Variants in MICAL3 observed in about 807,000 individuals in gnomAD.
MICAL3 encodes microtubule associated monooxygenase, calponin and LIM domain containing 3.
In MICAL3, 62 loss-of-function variants were observed where a neutral mutation model predicts 207.4. The ratio of observed to expected loss-of-function variants is 0.30; its 90% CI spans 0.24 to 0.37. The LOEUF (loss-of-function observed/expected upper bound fraction) is 0.37, where lower values mean the gene tolerates loss of function less well. Ranked by LOEUF, MICAL3 falls within the 10% of genes least tolerant of loss-of-function variation. MICAL3 has a pLI of 1.00. For synonymous variants in MICAL3, 1,077 were observed against 1,069.3 expected, an observed-to-expected ratio of 1.01 and a Z score of -0.14; for missense variants, 2,368 against 2,635.6, an observed-to-expected ratio of 0.90 and a Z score of 2.22.
intron 1 of MICAL3, among the ~76,000 whole-genome samples, chr22:17,974,655 C>CA (rs1249178183): frequency 2.1e-5 from 3 of 145,606 alleles, no homozygotes; most frequent in African/African-American, 7.7e-5. Flanking sequence ...ACCTGGTAGA[C>CA]AGAGGTTGTA....
rs553241464 is a variant in MICAL3, at chr22:17,798,896, A to C, written c.5651-7595T>G. Among the ~76,000 whole-genome samples the C allele has an allele frequency of 1.9e-3, 283 of 151,862 alleles. 2 individuals are homozygous for C. The highest frequency in any genetic ancestry group is 6.4e-3 in the African/African-American group (266 of 41,434). ...CACCATGTTAGCCAGGATGGTCTCG[A>C]TCTCCTGACCTTGTGATCTGCCCGC... On this transcript the variant is annotated intron_variant, in intron 29 of 31. Transcript: ENST00000441493.
chr22:17,885,120 A>G (rs2146216022), intron 16 of MICAL3, among the ~76,000 whole-genome samples: 1 of 152,270 alleles, frequency 6.6e-6, no homozygotes, highest in South Asian at 2.1e-4. Flanking sequence ...ACACGCCCTA[A>G]CCAAGACACC....
chr22:17,919,443 C>T (rs906122889), intron 1 of MICAL3, among the ~76,000 whole-genome samples: 6 of 152,192 alleles, frequency 3.9e-5, no homozygotes, highest in South Asian at 2.1e-4. Flanking sequence ...TTCACTGTTG[C>T]GTCCTTGCAC....
Position 17,841,944 on chromosome 22 carries a change from C to T in MICAL3, c.2679G>A (p.Leu893=), listed in dbSNP as rs770416083. Residue 893 remains leucine (L), a synonymous_variant, in exon 20 of 32, where the codon CTG becomes CTA. Transcript: ENST00000441493. The surrounding 1 kb of genome is among the most constrained non-coding windows in gnomAD (Gnocchi z 4.2). ...GCCTCAGGGACAGGCGGTAGTTCTC[C>T]AGCTCGATCCGCTCTGGGGTGCCCC... is the stretch of plus-strand genomic sequence containing the variant. ...RLRGTPERIE[L]ENYRLSLRQA... 2 of 1,605,278 alleles carry T rather than the reference C, an allele frequency of 1.2e-6. No homozygotes were observed. The highest frequency in any genetic ancestry group is 2.2e-5 in the East Asian group (1 of 44,724).
chr22:17,809,939 A>T (rs2062025917), intron 28 of MICAL3, among the ~76,000 whole-genome samples: 1 of 150,942 alleles, frequency 6.6e-6, no homozygotes, highest in African/African-American at 2.4e-5. Flanking sequence ...CCCAGGCTGG[A>T]GTGCAATGGT....
At chr22:17,891,869 A>AC (rs915527500) in intron 11 of MICAL3, among the ~76,000 whole-genome samples, 2 of 151,930 alleles carry the variant, frequency 1.3e-5, no homozygotes, top group Non-Finnish European at 2.9e-5. Flanking sequence ...GTCAACGTCC[A>AC]CCCCCCAGTA....
At chr22:17,894,560 C>T (rs895947746) in intron 10 of MICAL3, among the ~76,000 whole-genome samples, 2 of 151,638 alleles carry the variant, frequency 1.3e-5, no homozygotes, top group African/African-American at 4.8e-5. Flanking sequence ...CACTAGGGGC[C>T]AGGCACGGTG....
At chr22:17,856,121 C>T (rs1042587360) in intron 19 of MICAL3, among the ~76,000 whole-genome samples, 2 of 152,202 alleles carry the variant, frequency 1.3e-5, no homozygotes, top group African/African-American at 2.4e-5. Context: ...TGTTAGCGAC[C>T]GCTGCTGCCG....
At chr22:17,843,932 C>T (rs956583104) in intron 19 of MICAL3, among the ~76,000 whole-genome samples, 4 of 152,028 alleles carry the variant, frequency 2.6e-5, no homozygotes, top group Admixed American at 6.6e-5. Context: ...CTGCAACCTC[C>T]GCCTCCCAGG....
intron 1 of MICAL3, among the ~76,000 whole-genome samples, chr22:17,938,145 T>C (rs886093361): frequency 3.9e-5 from 6 of 152,312 alleles, no homozygotes; most frequent in African/African-American, 7.2e-5. Flanking sequence ...TAAGAACTCA[T>C]GATTCTCACT....
chr22:17,948,182 T>A (rs1002352639), intron 1 of MICAL3, among the ~76,000 whole-genome samples: 1 of 152,234 alleles, frequency 6.6e-6, no homozygotes, highest in Non-Finnish European at 1.5e-5. Flanking sequence ...CCACTCCCAC[T>A]GCCTGCCCTG....
rs115940892 is a variant in MICAL3, at chr22:17,949,370, G to A, written c.-74-42484C>T. Among the ~76,000 whole-genome samples the A allele has an allele frequency of 5.1e-3, 780 of 152,216 alleles. 9 individuals are homozygous for A. The highest frequency in any genetic ancestry group is 0.018 in the African/African-American group (736 of 41,514). On this transcript the variant is annotated intron_variant, in intron 1 of 31. Transcript: ENST00000441493. ...TGCATTATCTCATTTTATCTTCCGA[G>A]CAACATTATGAGTATAATGTTACCT...
At chr22:17,969,157 A>G (rs1321942441) in intron 1 of MICAL3, among the ~76,000 whole-genome samples, 3 of 152,060 alleles carry the variant, frequency 2.0e-5, no homozygotes, top group Admixed American at 6.5e-5. Flanking sequence ...ATTCTGCCTC[A>G]GCCTCCCGAG....
intron 1 of MICAL3, chr22:18,006,282 A>C (rs397709): frequency 0.32 from 49,144 of 152,048 alleles, 8,355 homozygotes; most frequent in East Asian, 0.51. Context: ...TCTGCCTGAG[A>C]ACCTCAGAGA....
chr22:17,856,969 A>G (rs948410966), intron 19 of MICAL3, among the ~76,000 whole-genome samples: 2 of 152,208 alleles, frequency 1.3e-5, no homozygotes, highest in Non-Finnish European at 2.9e-5. Context: ...TCTCGGTAGT[A>G]AAATGATAGG....
At chr22:17,884,428 G>T in intron 16 of MICAL3, 1 of 1,186,276 alleles carries the variant, frequency 8.4e-7, no homozygotes, top group Non-Finnish European at 1.2e-6. Context: ...ATACATTAAG[G>T]TGGGAGAAGA....
At chr22:17,901,850 A>G (rs1380486147) in intron 5 of MICAL3, 28 bp downstream of exon 5, 3 of 1,553,988 alleles carry the variant, frequency 1.9e-6, no homozygotes, top group South Asian at 1.1e-5. Context: ...CTCTGCTATG[A>G]GCCAGGCAGA....
At chr22:17,923,577 G>GT (rs1318990223) in intron 1 of MICAL3, among the ~76,000 whole-genome samples, 1 of 152,268 alleles carries the variant, frequency 6.6e-6, no homozygotes, top group Non-Finnish European at 1.5e-5. Context: ...CTGGGGCCCA[G>GT]TGGCAGTCTC....
intron 29 of MICAL3, among the ~76,000 whole-genome samples, chr22:17,797,665 C>T (rs1210019872): frequency 1.3e-5 from 2 of 152,212 alleles, no homozygotes; most frequent in African/African-American, 4.8e-5. Context: ...CCACTGGCTT[C>T]TACATGGATG....
Sources: allele counts gnomAD v4.1 joint callset (sites outside exome capture counted in the v4.1 genomes callset), GRCh38; gene constraint gnomAD v4.1.1; non-coding constraint Gnocchi (gnomAD v3.1); transcripts MANE v1.5; gene names NCBI Gene and HGNC (gene_info 2026-07-23, HGNC 2026-07-21).